The following SYN2 variants were observed in gnomAD, a reference collection of about 807,000 sequenced individuals.
SYN2 encodes the protein synapsin-2.
Under a neutral mutation model 50.9 loss-of-function variants are expected in SYN2, and 19 were observed. The observed-to-expected ratio is 0.37, with a 90% CI of 0.26 to 0.55. The LOEUF is 0.55. SYN2 is among the 20% of genes least tolerant of loss of function. The pLI, the probability that SYN2 is intolerant of heterozygous loss-of-function variation, is 0.81. For synonymous variants in SYN2, 255 were observed against 224.9 expected (o/e 1.13, Z -1.20); for missense variants, 587 against 576.4 (o/e 1.02, Z -0.19).
chr3:12,100,790 GA>G (rs1174034007), intron 1 of SYN2, among the ~76,000 whole-genome samples: 1 of 151,902 alleles, frequency 6.6e-6, no homozygotes, highest in Non-Finnish European at 1.5e-5. Flanking sequence ...AAAAACCCAT[GA>G]AAAAATGACA....
chr3:12,028,010 T>C lies in SYN2; in HGVS notation c.377+23082T>C, dbSNP rs1051279943. 3.8e-5 allele frequency among the ~76,000 whole-genome samples: 4 copies of C among 106,342 alleles called. 1 individual carries two copies. The highest frequency in any genetic ancestry group is 1.4e-4 in the African/African-American group (4 of 28,646). 69.8% of individuals were successfully genotyped at this position (106,342 alleles called of 152,430 possible). On this transcript the variant is annotated intron_variant, in intron 1 of 12. Transcript: ENST00000621198. ...TTTTATTTTTTTATTTTTTTATTTT[T>C]ATTTTTTCTTTCCCTCCCCCCTCCC...
At chr3:12,066,843 G>T (rs974963382) in intron 1 of SYN2, among the ~76,000 whole-genome samples, 2 of 150,946 alleles carry the variant, frequency 1.3e-5, no homozygotes, top group Non-Finnish European at 2.9e-5. Flanking sequence ...CACATGGCTG[G>T]GGGGGGCCTC....
In SYN2 at chr3:12,168,457, T is replaced by C. The variant is rs1697858167; in HGVS notation, c.1137T>C (p.Asp379=). 1.2e-6 allele frequency: 2 copies of C among 1,613,798 alleles called. No individual in the cohort carries two copies. The highest frequency in any genetic ancestry group is 1.7e-6 in the Non-Finnish European group (2 of 1,179,828). The part of the protein sequence containing the change: ...ICAVKAVHGK[D]GKDYIFEVMD... The stretch of plus-strand genomic sequence containing the variant: ...CTGTCAAAGCTGTACATGGCAAAGA[T>C]GGGAAAGACTACATTTTTGAGGTAA... Residue 379 remains aspartate (D), a synonymous_variant, in exon 9 of 13, where the codon GAT becomes GAC. Transcript: ENST00000621198.
chr3:12,108,589 A>G (rs1453417845), intron 1 of SYN2, among the ~76,000 whole-genome samples: 1 of 151,948 alleles, frequency 6.6e-6, no homozygotes, highest in Admixed American at 6.6e-5. Flanking sequence ...TGCTTTTTCC[A>G]CCTCCGGTTC....
chr3:12,085,152 C>T (rs1695666970), intron 1 of SYN2, among the ~76,000 whole-genome samples: 1 of 151,066 alleles, frequency 6.6e-6, no homozygotes, highest in East Asian at 1.9e-4. Context: ...ACTCACTTCA[C>T]TGTTAAGGAC....
At chr3:12,165,159 T>C (rs977926020) in intron 7 of SYN2, 2 of 152,162 alleles carry the variant, frequency 1.3e-5, no homozygotes, top group African/African-American at 4.8e-5. Flanking sequence ...GCTAATTTTT[T>C]GTATTTTAGT....
At chr3:12,145,969 G>C in intron 4 of SYN2, 134 bp downstream of exon 4, 1 of 1,286,918 alleles carries the variant, frequency 7.8e-7, no homozygotes, top group South Asian at 1.4e-5. Context: ...CCCCTAGGAG[G>C]GTCCTCAAGA....
intron 1 of SYN2, among the ~76,000 whole-genome samples, chr3:12,119,733 A>G (rs552345960): frequency 6.6e-6 from 1 of 152,108 alleles, no homozygotes; most frequent in Non-Finnish European, 1.5e-5. Flanking sequence ...TTTGGGATCT[A>G]TTTGGAAGCT....
intron 1 of SYN2, among the ~76,000 whole-genome samples, chr3:12,093,360 A>G (rs1695867900): frequency 6.6e-6 from 1 of 152,186 alleles, no homozygotes. Context: ...GAAGAAATGC[A>G]AGGTAGAAAA....
At chr3:12,094,017 C>T (rs997862709) in intron 1 of SYN2, among the ~76,000 whole-genome samples, 2 of 151,990 alleles carry the variant, frequency 1.3e-5, no homozygotes, top group African/African-American at 2.4e-5. Flanking sequence ...CCACCACGCC[C>T]AGAATTTTGT....
In SYN2 at chr3:12,167,272, G is replaced by C; in HGVS notation, c.1019G>C (p.Gly340Ala). The change falls in exon 8 of 13, where the codon GGC becomes GCC. Residue 340 changes from glycine to alanine, a missense_variant. Transcript: ENST00000621198. ...TCAGGGAACTGGAAGACGAACACTG[G>C]CTCTGCGATGCTGGAGCAGATTGCC... Reference protein sequence around the residue: ...SISGNWKTNTGSAMLEQIAMS... With the variant: ...SISGNWKTNTASAMLEQIAMS... 2 of 1,612,980 alleles carry C rather than the reference G, an allele frequency of 1.2e-6. No individual in the cohort carries two copies. Among genetic ancestry groups the C allele is most frequent in the Non-Finnish European group, 1.7e-6 (2 of 1,179,630 alleles).
At chr3:12,161,736 A>G (rs896759654) in intron 6 of SYN2, 128 bp downstream of exon 6, 5 of 1,209,454 alleles carry the variant, frequency 4.1e-6, no homozygotes, top group Non-Finnish European at 5.9e-6. Flanking sequence ...ATGATTTGCC[A>G]CCTCTAAAGC....
intron 1 of SYN2, among the ~76,000 whole-genome samples, chr3:12,097,931 C>T (rs1305529876): frequency 1.3e-5 from 2 of 152,062 alleles, no homozygotes; most frequent in East Asian, 3.9e-4. Flanking sequence ...GTGCAGCATA[C>T]CAGCATGGCA....
At chr3:12,032,419 C>G (rs1694400874) in intron 1 of SYN2, among the ~76,000 whole-genome samples, 1 of 67,032 alleles carries the variant, frequency 1.5e-5, no homozygotes, top group Non-Finnish European at 2.8e-5. Context: ...TGAATCTGAA[C>G]GTTGGCCTGC....
At chr3:12,110,520 C>T (rs547079719) in intron 1 of SYN2, among the ~76,000 whole-genome samples, 1 of 152,332 alleles carries the variant, frequency 6.6e-6, no homozygotes, top group South Asian at 2.1e-4. Flanking sequence ...CATTTCACTT[C>T]TGCACTGCTG....
At chr3:12,145,007 G>A (rs1697114945) in intron 3 of SYN2, among the ~76,000 whole-genome samples, 2 of 151,988 alleles carry the variant, frequency 1.3e-5, no homozygotes, top group Non-Finnish European at 2.9e-5. Flanking sequence ...CTCTAGCCTG[G>A]GCAACGGAGC....
chr3:12,185,316 A>G (rs1698316590), intron 11 of SYN2: 1 of 985,552 alleles, frequency 1.0e-6, no homozygotes, highest in African/African-American at 1.7e-5. Flanking sequence ...GCTTCTCTGC[A>G]TGTTATCAGT....
At chr3:12,113,506 A>G (rs984376409) in intron 1 of SYN2, among the ~76,000 whole-genome samples, 1 of 152,142 alleles carries the variant, frequency 6.6e-6, no homozygotes, top group African/African-American at 2.4e-5. Flanking sequence ...AAGGTGTACA[A>G]TCCGGTGCCA....
At chr3:12,189,767 A>T (rs1698411940) in intron 12 of SYN2, among the ~76,000 whole-genome samples, 1 of 151,380 alleles carries the variant, frequency 6.6e-6, no homozygotes, top group Non-Finnish European at 1.5e-5. Flanking sequence ...GCACCACTGC[A>T]CTCCAGCCTT....
Sources: allele counts gnomAD v4.1 joint callset (sites outside exome capture counted in the v4.1 genomes callset), GRCh38; gene constraint gnomAD v4.1.1; transcripts MANE v1.5; gene names NCBI Gene and HGNC (gene_info 2026-07-23, HGNC 2026-07-21).